The following MATCAP2 variants were observed in gnomAD, a reference collection of about 807,000 sequenced individuals.
The protein encoded by MATCAP2 is putative tyrosine carboxypeptidase MATCAP2.
the MATCAP2 span, among the ~76,000 whole-genome samples, chr7:36,349,024 A>T: frequency 6.6e-6 from 1 of 152,250 alleles, no homozygotes; most frequent in Non-Finnish European, 1.5e-5. Flanking sequence ...CAAACAAGAA[A>T]CTGAAGGATG....
chr7:36,366,866 C>A, the MATCAP2 span: 2 of 1,490,380 alleles, frequency 1.3e-6, no homozygotes, highest in Non-Finnish European at 1.8e-6. Flanking sequence ...GGCGGCGGGA[C>A]CCCGGTCCGC....
chr7:36,375,291 T>C, the MATCAP2 span, among the ~76,000 whole-genome samples: 1 of 152,210 alleles, frequency 6.6e-6, no homozygotes, highest in Non-Finnish European at 1.5e-5. Flanking sequence ...TGATGACCAG[T>C]GATGATGAGC....
the MATCAP2 span, chr7:36,389,896 C>T: frequency 1.3e-6 from 2 of 1,532,594 alleles, no homozygotes; most frequent in African/African-American, 1.4e-5. Context: ...GAGAGGACAG[C>T]TGGTTGTGGG....
the MATCAP2 span, among the ~76,000 whole-genome samples, chr7:36,379,813 T>TACACAC: frequency 4.1e-4 from 51 of 124,310 alleles, no homozygotes; most frequent in Middle Eastern, 3.8e-3. Flanking sequence ...CAATGGTAAG[T>TACACAC]ACACACACAC....
At chr7:36,336,321 A>C in the MATCAP2 span, 3 of 1,467,364 alleles carry the variant, frequency 2.0e-6, no homozygotes, top group South Asian at 3.7e-5. Flanking sequence ...AGAGATAATG[A>C]AAGTAAACAG....
the MATCAP2 span, among the ~76,000 whole-genome samples, chr7:36,370,066 T>A: frequency 3.3e-5 from 5 of 152,258 alleles, no homozygotes; most frequent in Non-Finnish European, 5.9e-5. Context: ...ATTGAAGCAC[T>A]CTTGCTAACA....
the MATCAP2 span, among the ~76,000 whole-genome samples, chr7:36,361,606 A>T: frequency 6.6e-6 from 1 of 152,236 alleles, no homozygotes; most frequent in Non-Finnish European, 1.5e-5. Context: ...AAAACTCAAA[A>T]GAAGCTAGGC....
At chr7:36,359,063 C>T in the MATCAP2 span, among the ~76,000 whole-genome samples, 2 of 152,324 alleles carry the variant, frequency 1.3e-5, no homozygotes, top group East Asian at 3.9e-4. Context: ...TGACCCTAAA[C>T]ATGCAATTCT....
At chr7:36,325,545 A>ACTCT in the MATCAP2 span, 1 of 152,174 alleles carries the variant, frequency 6.6e-6, no homozygotes, top group Non-Finnish European at 1.5e-5. Context: ...GTAAAGATAA[A>ACTCT]CTCTCAGACA....
chr7:36,341,356 A>G, the MATCAP2 span, among the ~76,000 whole-genome samples: 2 of 152,244 alleles, frequency 1.3e-5, no homozygotes, highest in Non-Finnish European at 2.9e-5. Flanking sequence ...GATGTGATAC[A>G]TTGCATTCCG....
chr7:36,389,858 G>C, the MATCAP2 span: 1 of 1,246,736 alleles, frequency 8.0e-7, no homozygotes, highest in Non-Finnish European at 1.1e-6. Context: ...CGGCTGCAGA[G>C]GCCGAGTCCG....
chr7:36,342,493 G>A, the MATCAP2 span, among the ~76,000 whole-genome samples: 1 of 152,132 alleles, frequency 6.6e-6, no homozygotes, highest in South Asian at 2.1e-4. Context: ...CAGGAGCCTG[G>A]ACCAGGAAGC....
chr7:36,355,159 A>G, the MATCAP2 span: 2 of 152,336 alleles, frequency 1.3e-5, no homozygotes, highest in South Asian at 2.1e-4. Context: ...CACACAAAAA[A>G]CCACATGTAA....
chr7:36,333,321 AT>A, the MATCAP2 span, among the ~76,000 whole-genome samples: 1 of 152,170 alleles, frequency 6.6e-6, no homozygotes, highest in African/African-American at 2.4e-5. Flanking sequence ...AAATCTAGAG[AT>A]GAAAAGAACA....
chr7:36,327,185 C>T, the MATCAP2 span, among the ~76,000 whole-genome samples: 1 of 152,110 alleles, frequency 6.6e-6, no homozygotes, highest in Non-Finnish European at 1.5e-5. Flanking sequence ...GTTGCCCAGG[C>T]TGGAGTGCAG....
At chr7:36,385,566 T>C in the MATCAP2 span, among the ~76,000 whole-genome samples, 2 of 151,990 alleles carry the variant, frequency 1.3e-5, no homozygotes, top group East Asian at 3.9e-4. Context: ...GGGAGGATCA[T>C]TTGAGGCCAG....
the MATCAP2 span, chr7:36,335,222 AAAGGT>A: frequency 6.3e-7 from 1 of 1,583,078 alleles, no homozygotes; most frequent in East Asian, 2.3e-5. Context: ...AACAAAACAT[AAAGGT>A]AAGGGGAGAA....
the MATCAP2 span, chr7:36,389,776 G>A: frequency 1.4e-5 from 8 of 553,792 alleles, no homozygotes; most frequent in Non-Finnish European, 2.3e-5. Context: ...CCGAGCGCAG[G>A]GGCGGGGAGA....
chr7:36,367,259 G>A, the MATCAP2 span: 9 of 1,076,584 alleles, frequency 8.4e-6, no homozygotes, highest in Non-Finnish European at 1.0e-5. Context: ...GGGTCCGCGC[G>A]CGCTGCGCTT....
Sources: allele counts gnomAD v4.1 joint callset (sites outside exome capture counted in the v4.1 genomes callset), GRCh38; gene constraint gnomAD v4.1.1; transcripts MANE v1.5; gene names NCBI Gene and HGNC (gene_info 2026-07-23, HGNC 2026-07-21).